SLC12A1: variants seen among roughly 807,000 people sequenced by gnomAD.
SLC12A1 encodes the protein solute carrier family 12 member 1.
In SLC12A1, 89 loss-of-function variants were observed where a neutral mutation model predicts 130.4. The ratio of observed to expected loss-of-function variants is 0.68; its 90% CI spans 0.58 to 0.81. The LOEUF (loss-of-function observed/expected upper bound fraction) is 0.81, where lower values mean the gene tolerates loss of function less well. Ranked by LOEUF, SLC12A1 falls within the 40% of genes least tolerant of loss-of-function variation. SLC12A1 has a pLI of 0.00. For synonymous variants in SLC12A1, 499 were observed against 460.0 expected, an observed-to-expected ratio of 1.08 and a Z score of -1.09; for missense variants, 1,310 against 1,336.4, an observed-to-expected ratio of 0.98 and a Z score of 0.31.
In SLC12A1 at chr15:48,303,521, G is replaced by C. The variant is rs2042257244; in HGVS notation, c.*636G>C. The C allele has an allele frequency of 6.6e-6, 1 of 152,178 alleles. No homozygotes were observed. Among genetic ancestry groups the C allele is most frequent in the African/African-American group, 2.4e-5 (1 of 41,440 alleles). 9.4% of individuals were successfully genotyped at this position (152,178 alleles called of 1,614,324 possible). On this transcript the variant is annotated 3_prime_UTR_variant, in exon 27 of 27. Coordinates refer to ENST00000380993, the MANE Select transcript of SLC12A1 (RefSeq NM_000338.3). The stretch of plus-strand genomic sequence containing the variant: ...ACAGATTATATACTTAAAGTGATCT[G>C]AGCAATCATTGATAACATATGGCTT...
intron 2 of SLC12A1, among the ~76,000 whole-genome samples, chr15:48,217,645 C>G (rs1032484269): frequency 1.3e-5 from 2 of 151,894 alleles, no homozygotes; most frequent in African/African-American, 4.8e-5. Flanking sequence ...TAAATGTGAC[C>G]TACCCAGAAG....
intron 20 of SLC12A1, among the ~76,000 whole-genome samples, chr15:48,276,184 G>T (rs2141099713): frequency 6.6e-6 from 1 of 152,202 alleles, no homozygotes; most frequent in East Asian, 1.9e-4. Flanking sequence ...GCAAGAGGAA[G>T]TATAGGTTTA....
chr15:48,218,565 T>G (rs956067672), intron 2 of SLC12A1, among the ~76,000 whole-genome samples: 1 of 152,152 alleles, frequency 6.6e-6, no homozygotes, highest in East Asian at 1.9e-4. Context: ...AAAATGAAAC[T>G]TTGATAATAA....
At chr15:48,234,322 A>G (rs894498826) in intron 8 of SLC12A1, among the ~76,000 whole-genome samples, 5 of 152,194 alleles carry the variant, frequency 3.3e-5, no homozygotes, top group African/African-American at 1.2e-4. Context: ...CTTTTGGCAC[A>G]AAAATTGATT....
rs888885146 is a variant in SLC12A1, at chr15:48,244,739, G to A, written c.1301-14G>A. Reference sequence around the variant, plus strand: ...ACTTTATAAAGAAATAACAAGCCACGGTTGTTTCCACAGGGGCCTGTGTGG... The same window carrying A: ...ACTTTATAAAGAAATAACAAGCCACAGTTGTTTCCACAGGGGCCTGTGTGG... On this transcript the variant is annotated splice_polypyrimidine_tract_variant and intron_variant, in intron 10 of 26. Coordinates refer to ENST00000380993, the MANE Select transcript of SLC12A1 (RefSeq NM_000338.3). The A allele has an allele frequency of 8.7e-6, 14 of 1,613,516 alleles. No homozygotes were observed. Among genetic ancestry groups the A allele is most frequent in the East Asian group, 4.5e-5 (2 of 44,872 alleles).
In SLC12A1 at chr15:48,301,973, A is replaced by G. The variant is rs558354567; in HGVS notation, c.3164+591A>G. Among the ~76,000 whole-genome samples the G allele has an allele frequency of 1.1e-3, 164 of 152,348 alleles. 1 individual carries two copies. The highest frequency in any genetic ancestry group is 0.01 in the Admixed American group (154 of 15,308). On this transcript the variant is annotated intron_variant, in intron 26 of 26. Transcript: ENST00000380993. ...ATTTATACCTCATGAATTGACTCCT[A>G]TGTATAAAGATAAATATATCTTCAC...
chr15:48,227,465 G>A lies in SLC12A1; in HGVS notation c.724+894G>A, dbSNP rs16960682. 1.4e-3 allele frequency: 513 copies of A among 375,844 alleles called. 3 individuals carry two copies. The highest frequency in any genetic ancestry group is 9.9e-3 in the African/African-American group (476 of 47,868). The allele number at this position is 375,844 out of a possible 1,614,324, so 23.3% of individuals were successfully genotyped here. A position where few individuals can be genotyped will look rare whatever the true frequency, so the allele number is the denominator to read the frequency against. Reference sequence around the variant, plus strand: ...AAATATATGGTTTCTTTGTACCTTGGATGAGACCCACTGGCTCTCTCGCAG... The same window carrying A: ...AAATATATGGTTTCTTTGTACCTTGAATGAGACCCACTGGCTCTCTCGCAG... On this transcript the variant is annotated intron_variant, in intron 5 of 26. Coordinates refer to ENST00000380993, the MANE Select transcript of SLC12A1 (RefSeq NM_000338.3).
intron 17 of SLC12A1, among the ~76,000 whole-genome samples, chr15:48,265,597 G>C (rs1336900104): frequency 6.6e-6 from 1 of 152,100 alleles, no homozygotes; most frequent in Non-Finnish European, 1.5e-5. Flanking sequence ...CTTAGACTAG[G>C]TCATCTAGTT....
At chr15:48,222,913 G>A (rs367554647) in intron 4 of SLC12A1, 13 of 152,356 alleles carry the variant, frequency 8.5e-5, no homozygotes, top group Admixed American at 3.9e-4. Context: ...TCTGGGCTAC[G>A]AGTTTTGGCT....
chr15:48,256,380 G>A (rs1478113023), intron 16 of SLC12A1, among the ~76,000 whole-genome samples: 3 of 152,240 alleles, frequency 2.0e-5, no homozygotes, highest in African/African-American at 7.2e-5. Flanking sequence ...AATCTTGCTT[G>A]GAGAGGAACA....
rs2041337955 is a variant in SLC12A1 at position 48,229,323 on chromosome 15, C to A, written c.859C>A (p.Leu287Ile). The change falls in exon 6 of 27, where the codon CTT becomes ATT. Residue 287 changes from leucine (L) to isoleucine (I), a missense_variant. Transcript: ENST00000380993. ...VGFAETVVDL[L>I]KESDSMMVDP... ...ATTTGCTGAGACTGTAGTAGATCTT[C>A]TTAAGGTAATTAAAAGCTTTTCTTT... The A allele has an allele frequency of 6.3e-7, 1 of 1,596,028 alleles. No homozygotes were observed. The highest frequency in any genetic ancestry group is 2.3e-5 in the East Asian group (1 of 44,436).
chr15:48,288,036 G>A lies in SLC12A1; in HGVS notation c.2630-7G>A, dbSNP rs34063058. ...AAACAGATGCATCAATTCCTCTTTC[G>A]TTTCAGATGGCAGCATTAACACAAG... is the stretch of plus-strand genomic sequence containing the variant. On this transcript the variant is annotated splice_polypyrimidine_tract_variant and splice_region_variant and intron_variant, in intron 21 of 26. Coordinates refer to ENST00000380993, the MANE Select transcript of SLC12A1 (RefSeq NM_000338.3). The A allele has an allele frequency of 1.1e-3, 1,804 of 1,605,032 alleles. 17 individuals are homozygous for A. In the African/African-American group the frequency reaches 0.02, roughly 18 times the overall value.
chr15:48,303,918 G>A lies in SLC12A1; in HGVS notation c.*1033G>A, dbSNP rs748258380. On this transcript the variant is annotated 3_prime_UTR_variant, in exon 27 of 27. Coordinates refer to ENST00000380993, the MANE Select transcript of SLC12A1 (RefSeq NM_000338.3). ...ACAGATACTGATTTTTTTCATTTTT[G>A]TTAGTATACCTATAATACATAATCA... 4 of 151,878 alleles carry A rather than the reference G, an allele frequency of 2.6e-5. No individual in the cohort carries two copies. The highest frequency in any genetic ancestry group is 5.9e-5 in the Non-Finnish European group (4 of 67,962). The allele number at this position is 151,878 out of a possible 1,614,324, so 9.4% of individuals were successfully genotyped here.
At chr15:48,229,916 T>A (rs1357001914) in intron 6 of SLC12A1, among the ~76,000 whole-genome samples, 1 of 152,204 alleles carries the variant, frequency 6.6e-6, no homozygotes, top group Non-Finnish European at 1.5e-5. Flanking sequence ...ATTTAAAAAT[T>A]AGATAAATAA....
intron 9 of SLC12A1, 66 bp downstream of exon 9, chr15:48,235,070 C>T: frequency 6.6e-7 from 1 of 1,524,470 alleles, no homozygotes; most frequent in Non-Finnish European, 9.1e-7. Context: ...GCACAAGGAG[C>T]TAGAGAGGTT....
At chr15:48,255,479 T>A (rs1451097101) in intron 15 of SLC12A1, among the ~76,000 whole-genome samples, 2 of 151,840 alleles carry the variant, frequency 1.3e-5, no homozygotes, top group Non-Finnish European at 2.9e-5. Context: ...ACGCTTTGAA[T>A]TTATTCAGGG....
At chr15:48,284,311 C>G (rs2042036118) in intron 20 of SLC12A1, among the ~76,000 whole-genome samples, 1 of 152,140 alleles carries the variant, frequency 6.6e-6, no homozygotes, top group Non-Finnish European at 1.5e-5. Flanking sequence ...GTTATCTTTT[C>G]TTAATTCTTG....
At position 48,244,864 on chromosome 15, in the gene SLC12A1, G is replaced by T. The variant is rs369307402; in HGVS notation, c.1412G>T (p.Arg471Leu). Residue 471 changes from arginine to leucine, a missense_variant, in exon 11 of 27, where the codon CGA (arginine) becomes CTA (leucine). By Grantham distance (102) the Arg-to-Leu change is moderately radical. Coordinates refer to ENST00000380993, the MANE Select transcript of SLC12A1 (RefSeq NM_000338.3). Reference sequence around the variant, plus strand: ...TTGGGCTATGACTTCTCAAGATGTCGACATGAACCATGTCAGTACGGGCTG... The same window carrying T: ...TTGGGCTATGACTTCTCAAGATGTCTACATGAACCATGTCAGTACGGGCTG... Reference protein sequence around the residue: ...CGLGYDFSRCRHEPCQYGLMN... With the variant: ...CGLGYDFSRCLHEPCQYGLMN... The T allele has an allele frequency of 5.0e-6, 8 of 1,613,910 alleles. No individual in the cohort carries two copies. Among genetic ancestry groups the T allele is most frequent in the South Asian group, 1.1e-5 (1 of 91,078 alleles).
chr15:48,226,447 C>T (rs1244282143), intron 4 of SLC12A1, 29 bp from the exon 5 acceptor site: 19 of 1,343,470 alleles, frequency 1.4e-5, no homozygotes, highest in Non-Finnish European at 2.0e-5. Context: ...AAGTAAAATG[C>T]AATATCTTCT....
Sources: allele counts gnomAD v4.1 joint callset (sites outside exome capture counted in the v4.1 genomes callset), GRCh38; gene constraint gnomAD v4.1.1; transcripts MANE v1.5; gene names NCBI Gene and HGNC (gene_info 2026-07-23, HGNC 2026-07-21).